SH3YL1: variants seen among roughly 807,000 people sequenced by gnomAD.
The protein encoded by SH3YL1 is SH3 domain-containing YSC84-like protein 1.
In SH3YL1, 41 loss-of-function variants were observed where a neutral mutation model predicts 45.8. That is an observed-to-expected ratio of 0.89 (90% CI 0.70 to 1.16). SH3YL1 has a LOEUF of 1.16. Among genes scored for constraint, SH3YL1 ranks in the 50% most tolerant of loss-of-function variants. The pLI, the probability that SH3YL1 is intolerant of heterozygous loss-of-function variation, is 0.00. For missense variants in SH3YL1, 389 were observed against 409.6 expected, an observed-to-expected ratio of 0.95 and a Z score of 0.43; for synonymous variants, 152 against 151.4, an observed-to-expected ratio of 1.00 and a Z score of -0.03.
In SH3YL1 at chr2:231,072, C is replaced by T; in HGVS notation, c.653G>A (p.Gly218Glu). The T allele has an allele frequency of 6.2e-7, 1 of 1,614,064 alleles. No individual in the cohort carries two copies. The highest frequency in any genetic ancestry group is 8.5e-7 in the Non-Finnish European group (1 of 1,180,002). ...DSFTEKYENE[G>E]QRINARKAAR... ...TGCTTTTCTTGCATTGATTCGTTGT[C>T]CTTCATTTTCATACTTTTCAGTAAA... Residue 218 changes from glycine to glutamate, a missense_variant, in exon 7 of 10, where the codon GGA becomes GAA. Transcript: ENST00000356150.
At chr2:221,726 C>G (rs1432238363) in intron 9 of SH3YL1, among the ~76,000 whole-genome samples, 2 of 152,136 alleles carry the variant, frequency 1.3e-5, no homozygotes, top group African/African-American at 4.8e-5. Context: ...ATGCCTCTGC[C>G]TCCTGGGGAG....
At chr2:246,910 T>C (rs1165446472) in intron 4 of SH3YL1, among the ~76,000 whole-genome samples, 1 of 152,110 alleles carries the variant, frequency 6.6e-6, no homozygotes, top group Non-Finnish European at 1.5e-5. Context: ...AGAAATGGAC[T>C]GAAATTTGAG....
At chr2:238,670 C>T (rs1305288743) in intron 4 of SH3YL1, among the ~76,000 whole-genome samples, 1 of 152,146 alleles carries the variant, frequency 6.6e-6, no homozygotes, top group Non-Finnish European at 1.5e-5. Context: ...ACTTTCTGAG[C>T]TTTGGGCTTT....
At chr2:220,630 T>A (rs1399867187) in intron 9 of SH3YL1, among the ~76,000 whole-genome samples, 1 of 152,210 alleles carries the variant, frequency 6.6e-6, no homozygotes, top group Admixed American at 6.5e-5. Flanking sequence ...CTGCCCTGGG[T>A]GGGGTACCGG....
chr2:233,736 G>A (rs1469148480), intron 5 of SH3YL1, among the ~76,000 whole-genome samples: 2 of 152,004 alleles, frequency 1.3e-5, no homozygotes, highest in Non-Finnish European at 2.9e-5. Context: ...TAATAGAGAA[G>A]AAAAATACAC....
intron 8 of SH3YL1, among the ~76,000 whole-genome samples, chr2:226,435 A>T (rs1667787190): frequency 6.6e-6 from 1 of 152,224 alleles, no homozygotes; most frequent in Non-Finnish European, 1.5e-5. Context: ...AATTTATATG[A>T]AGAGATGTTT....
intron 9 of SH3YL1, among the ~76,000 whole-genome samples, chr2:221,990 G>T (rs963270880): frequency 6.6e-6 from 1 of 152,090 alleles, no homozygotes; most frequent in Non-Finnish European, 1.5e-5. Flanking sequence ...ACCAATAAAA[G>T]GTGAGTCAAG....
At chr2:226,091 A>G (rs555077397) in intron 8 of SH3YL1, among the ~76,000 whole-genome samples, 1 of 152,116 alleles carries the variant, frequency 6.6e-6, no homozygotes, top group African/African-American at 2.4e-5. Context: ...ATGCAAAGAT[A>G]AAAAAATCAC....
At chr2:231,702 T>A (rs976759410) in intron 6 of SH3YL1, among the ~76,000 whole-genome samples, 1 of 152,232 alleles carries the variant, frequency 6.6e-6, no homozygotes, top group Non-Finnish European at 1.5e-5. Flanking sequence ...TTTTAGTTTA[T>A]CCAGGGTTTA....
At chr2:221,093 C>T (rs1667553629) in intron 9 of SH3YL1, among the ~76,000 whole-genome samples, 1 of 152,154 alleles carries the variant, frequency 6.6e-6, no homozygotes, top group Admixed American at 6.5e-5. Context: ...ACTCCTATCC[C>T]ACATCACAGA....
rs1196704686 is a variant in SH3YL1, at chr2:236,015, CAT to C, written c.292-1745_292-1744del. 1.5e-3 allele frequency among the ~76,000 whole-genome samples: 87 copies of C among 56,232 alleles called. 2 individuals are homozygous for C. The highest frequency in any genetic ancestry group is 2.5e-3 in the Non-Finnish European group (71 of 28,088). The allele number at this position is 56,232 out of a possible 152,430, so 36.9% of individuals were successfully genotyped here. Reference sequence around the variant, plus strand: ...AGGCAGCATGGGCCAGGGGAGGCAGCATGGGCCAGGGGAGGCAGCATGGGTCA... The same window carrying C: ...AGGCAGCATGGGCCAGGGGAGGCAGCGGGCCAGGGGAGGCAGCATGGGTCA... On this transcript the variant is annotated intron_variant, in intron 4 of 9. Transcript: ENST00000356150.
At chr2:243,079 C>T (rs557349844) in intron 4 of SH3YL1, among the ~76,000 whole-genome samples, 4 of 152,200 alleles carry the variant, frequency 2.6e-5, no homozygotes, top group Admixed American at 6.5e-5. Flanking sequence ...AAAAATAGCT[C>T]GATGTGTCAA....
intron 1 of SH3YL1, chr2:261,380 T>A (rs1669585009): frequency 1.3e-5 from 2 of 152,198 alleles, no homozygotes; most frequent in Non-Finnish European, 2.9e-5. Flanking sequence ...GTCCCTTGAA[T>A]CAGGCAAAAT....
intron 1 of SH3YL1, among the ~76,000 whole-genome samples, chr2:258,553 A>C (rs1449970767): frequency 4.6e-5 from 7 of 152,192 alleles, no homozygotes; most frequent in African/African-American, 1.7e-4. Flanking sequence ...TTGAGTGCCT[A>C]GATTTCATTG....
intron 1 of SH3YL1, among the ~76,000 whole-genome samples, chr2:261,625 C>G (rs776181206): frequency 6.6e-6 from 1 of 152,110 alleles, no homozygotes; most frequent in African/African-American, 2.4e-5. Flanking sequence ...AGGTATTGAT[C>G]GCAGTTCTAT....
intron 4 of SH3YL1, chr2:244,669 G>T (rs1302799632): frequency 6.6e-6 from 1 of 152,154 alleles, no homozygotes; most frequent in Non-Finnish European, 1.5e-5. Context: ...GGAAAACCCT[G>T]TGTGGTTACA....
intron 4 of SH3YL1, chr2:240,054 A>G (rs2864044): frequency 0.62 from 94,546 of 152,128 alleles, 30,325 homozygotes; most frequent in East Asian, 0.83. Context: ...TTCTCTTCCC[A>G]CAGCTCCTTG....
At chr2:241,263 T>A (rs115611834) in intron 4 of SH3YL1, 2 of 152,086 alleles carry the variant, frequency 1.3e-5, no homozygotes, top group African/African-American at 4.8e-5. Flanking sequence ...AAAAGTACAT[T>A]AAGCAACATG....
At chr2:249,627 G>A in intron 3 of SH3YL1, 104 bp downstream of exon 3, 1 of 804,348 alleles carries the variant, frequency 1.2e-6, no homozygotes, top group Non-Finnish European at 2.0e-6. Flanking sequence ...AGTTTTAGTT[G>A]ATATGCAGGA....
Sources: gnomAD v4.1 joint callset for allele counts (sites outside exome capture counted in the v4.1 genomes callset) on GRCh38, gnomAD v4.1.1 for gene constraint, MANE v1.5 for transcripts, NCBI Gene and HGNC (gene_info 2026-07-23, HGNC 2026-07-21) for gene names.